RAPGEF6: variants seen among roughly 807,000 people sequenced by gnomAD.
RAPGEF6 encodes Rap guanine nucleotide exchange factor 6, also known as PDZ domain containing guanine nucleotide exchange factor (GEF) 2.
RAPGEF6 carries 56 observed loss-of-function variants against 171.4 expected under a neutral mutation model. The observed-to-expected ratio is 0.33, with a 90% CI of 0.26 to 0.41. The LOEUF is 0.41. Among genes scored for constraint, RAPGEF6 ranks in the 10% least tolerant of loss-of-function variants. The pLI, the probability that RAPGEF6 is intolerant of heterozygous loss-of-function variation, is 1.00. For synonymous variants in RAPGEF6, 692 were observed against 650.1 expected, an observed-to-expected ratio of 1.06 and a Z score of -0.98; for missense variants, 1,674 against 1,921.4, an observed-to-expected ratio of 0.87 and a Z score of 2.41.
intron 11 of RAPGEF6, among the ~76,000 whole-genome samples, chr5:131,502,327 A>G (rs1757078473): frequency 6.6e-6 from 1 of 152,244 alleles, no homozygotes; most frequent in South Asian, 2.1e-4. Flanking sequence ...TGCATACTAT[A>G]CATAAACTAA....
In RAPGEF6 at chr5:131,614,200, T is replaced by C. The variant is rs563603696; in HGVS notation, c.70-9507A>G. ...GGGAGGCTGAGGCAGGAGAATCGCC[T>C]GAACCTGAGGGGCGGAGGTTGCAGC... On this transcript the variant is annotated intron_variant, in intron 1 of 27. Coordinates refer to ENST00000509018, the MANE Select transcript of RAPGEF6 (RefSeq NM_016340.6). 2.9e-5 allele frequency among the ~76,000 whole-genome samples: 4 copies of C among 137,036 alleles called. No homozygotes were observed. The East Asian group carries it at 6.5e-4, about 22-fold the overall frequency. 89.9% of individuals were successfully genotyped at this position (137,036 alleles called of 152,430 possible). A position where few individuals can be genotyped will look rare whatever the true frequency, so the allele number is the denominator to read the frequency against.
At position 131,446,706 on chromosome 5, in the gene RAPGEF6, A is replaced by G. The variant is rs1037761500; in HGVS notation, c.3201-3T>C. 8 of 1,611,126 alleles carry G rather than the reference A, an allele frequency of 5.0e-6. No individual in the cohort carries two copies. The highest frequency in any genetic ancestry group is 6.8e-6 in the Non-Finnish European group (8 of 1,177,752). ...TTGTGCTTCCTTGACTCAGTGACCT[A>G]TAAGAAGATGAAAATCACAATAAGG... On this transcript the variant is annotated splice_polypyrimidine_tract_variant and splice_region_variant and intron_variant, in intron 21 of 27. Transcript: ENST00000509018.
intron 1 of RAPGEF6, among the ~76,000 whole-genome samples, chr5:131,620,646 A>G (rs367842432): frequency 3.2e-4 from 48 of 150,408 alleles, no homozygotes; most frequent in East Asian, 2.0e-3. Flanking sequence ...GCTGGAGTGC[A>G]GTGGCTGAAT....
At chr5:131,431,397 T>C (rs745961824) in intron 25 of RAPGEF6, 48 bp from the exon 26 acceptor site, 4 of 1,532,098 alleles carry the variant, frequency 2.6e-6, no homozygotes, top group Non-Finnish European at 3.5e-6. Context: ...AGAAAAACTA[T>C]CTTCTCTCTG....
rs765389078 is a variant in RAPGEF6 at position 131,492,800 on chromosome 5, A to C, written c.1528-15T>G. 9 of 1,594,992 alleles carry C rather than the reference A, an allele frequency of 5.6e-6. No homozygotes were observed. Among genetic ancestry groups the C allele is most frequent in the Non-Finnish European group, 6.9e-6 (8 of 1,162,718 alleles). ...CCATTCATCTTCTGTTAAGCAGAAA[A>C]GGATAAATGTATATAAATGTATCTA... On this transcript the variant is annotated splice_polypyrimidine_tract_variant and intron_variant, in intron 13 of 27. Coordinates refer to ENST00000509018, the MANE Select transcript of RAPGEF6 (RefSeq NM_016340.6).
chr5:131,517,194 C>T (rs562281769), intron 7 of RAPGEF6, among the ~76,000 whole-genome samples: 2 of 152,218 alleles, frequency 1.3e-5, no homozygotes, highest in East Asian at 1.9e-4. Context: ...TGGGATCATT[C>T]GAACCCCAAA....
At chr5:131,569,763 G>A (rs1341506704) in intron 4 of RAPGEF6, among the ~76,000 whole-genome samples, 1 of 152,118 alleles carries the variant, frequency 6.6e-6, no homozygotes, top group Non-Finnish European at 1.5e-5. Flanking sequence ...CAGACTGGCT[G>A]GGCACGGTGG....
chr5:131,510,543 G>A, intron 7 of RAPGEF6, 52 bp from the exon 8 acceptor site: 1 of 1,549,726 alleles, frequency 6.5e-7, no homozygotes, highest in South Asian at 1.2e-5. Flanking sequence ...AATATTATAA[G>A]TCACAGTCTG....
At chr5:131,445,493 C>CTTGTGTGTGTGTGTGTG (rs1554070849) in intron 22 of RAPGEF6, among the ~76,000 whole-genome samples, 9 of 147,224 alleles carry the variant, frequency 6.1e-5, no homozygotes, top group African/African-American at 2.3e-4. Context: ...AACTCACTCT[C>CTTGTGTGTGTGTGTGTG]TGTGTGTGTG....
At chr5:131,445,533 G>C (rs1235812821) in intron 22 of RAPGEF6, among the ~76,000 whole-genome samples, 1 of 145,856 alleles carries the variant, frequency 6.9e-6, no homozygotes, top group East Asian at 2.0e-4. Flanking sequence ...ATTTTTTAGA[G>C]ACTGAGTCTC....
chr5:131,450,026 A>G, intron 21 of RAPGEF6: 3 of 1,543,502 alleles, frequency 1.9e-6, no homozygotes, highest in Non-Finnish European at 2.6e-6. Context: ...CACTTACCCC[A>G]GACTCCGCCA....
At chr5:131,566,492 T>C (rs947428771) in intron 4 of RAPGEF6, among the ~76,000 whole-genome samples, 7 of 152,220 alleles carry the variant, frequency 4.6e-5, no homozygotes, top group African/African-American at 1.4e-4. Context: ...TGTTATTCTG[T>C]TAACAATTTC....
intron 6 of RAPGEF6, among the ~76,000 whole-genome samples, chr5:131,531,294 T>C (rs575836961): frequency 3.3e-5 from 5 of 152,314 alleles, no homozygotes; most frequent in Admixed American, 1.3e-4. Flanking sequence ...AATGTTACAA[T>C]TTAAATGTTT....
At chr5:131,519,530 T>C (rs927509622) in intron 7 of RAPGEF6, among the ~76,000 whole-genome samples, 1 of 152,162 alleles carries the variant, frequency 6.6e-6, no homozygotes, top group Non-Finnish European at 1.5e-5. Context: ...GCCTCCCAAG[T>C]AGCTGAGATT....
At chr5:131,467,180 C>T (rs1754413861) in intron 17 of RAPGEF6, among the ~76,000 whole-genome samples, 1 of 152,232 alleles carries the variant, frequency 6.6e-6, no homozygotes, top group African/African-American at 2.4e-5. Context: ...ACTGTAACAT[C>T]TTCTGGGAAG....
intron 19 of RAPGEF6, 88 bp from the exon 20 acceptor site, chr5:131,456,100 A>C: frequency 1.2e-6 from 1 of 867,014 alleles, no homozygotes; most frequent in East Asian, 2.5e-5. Flanking sequence ...TCTCTAATAA[A>C]AGTAAAAATA....
At chr5:131,599,085 C>T (rs188760180) in intron 3 of RAPGEF6, among the ~76,000 whole-genome samples, 104 of 152,256 alleles carry the variant, frequency 6.8e-4, no homozygotes, top group Middle Eastern at 3.4e-3. Flanking sequence ...CAGAGACGGG[C>T]GGATTACTTG....
chr5:131,536,485 G>A (rs1384470255), intron 6 of RAPGEF6, among the ~76,000 whole-genome samples: 1 of 152,110 alleles, frequency 6.6e-6, no homozygotes, highest in Non-Finnish European at 1.5e-5. Context: ...GAAACAGTGT[G>A]CTTCAGCATA....
intron 4 of RAPGEF6, among the ~76,000 whole-genome samples, chr5:131,583,630 C>A (rs1321080397): frequency 2.0e-5 from 3 of 152,188 alleles, no homozygotes; most frequent in Non-Finnish European, 2.9e-5. Flanking sequence ...CTAATTGTAT[C>A]CCTTCCACAT....
Sources: allele counts gnomAD v4.1 joint callset (sites outside exome capture counted in the v4.1 genomes callset), GRCh38; gene constraint gnomAD v4.1.1; transcripts MANE v1.5; gene names NCBI Gene and HGNC (gene_info 2026-07-23, HGNC 2026-07-21).